Variants in VWDE observed in about 807,000 individuals in gnomAD.
The protein encoded by VWDE is von Willebrand factor D and EGF domains.
A neutral mutation model predicts 178.4 loss-of-function variants in VWDE; 207 were observed. The ratio of observed to expected loss-of-function variants is 1.16; its 90% CI spans 1.04 to 1.30. The LOEUF (loss-of-function observed/expected upper bound fraction) is 1.30. Among genes scored for constraint, VWDE ranks in the 50% most tolerant of loss-of-function variants. The pLI, the probability that VWDE is intolerant of heterozygous loss-of-function variation, is 0.00. For synonymous variants in VWDE, 738 were observed against 651.4 expected, an observed-to-expected ratio of 1.13 and a Z score of -2.02; for missense variants, 2,287 against 1,901.3, an observed-to-expected ratio of 1.20 and a Z score of -3.77.
chr7:12,346,961 T>G (rs1365095531), intron 19 of VWDE, among the ~76,000 whole-genome samples: 1 of 151,890 alleles, frequency 6.6e-6, no homozygotes, highest in Non-Finnish European at 1.5e-5. Flanking sequence ...TGGCAACAAG[T>G]GCAATGAAAG....
At position 12,336,115 on chromosome 7, in the gene VWDE, G is replaced by C. The variant is rs868700106; in HGVS notation, c.4654+26C>G. On this transcript the variant is annotated intron_variant, in intron 27 of 28. Transcript: ENST00000275358. ...AACAGATTCCAATTCAGAACATATA[G>C]TAGGAAAAACATCCTGTGGGCTTAC... 10 of 1,529,378 alleles carry C rather than the reference G, an allele frequency of 6.5e-6. 1 individual carries two copies. In the Middle Eastern group the frequency reaches 1.3e-3, roughly 206 times the overall value. 94.7% of individuals were successfully genotyped at this position (1,529,378 alleles called of 1,614,324 possible). A position where few individuals can be genotyped will look rare whatever the true frequency, so the allele number is the denominator to read the frequency against.
rs1479598286 is a variant in VWDE, at chr7:12,333,581, A to C, written c.4655-13T>G. On this transcript the variant is annotated splice_polypyrimidine_tract_variant and intron_variant, in intron 27 of 28. Coordinates refer to ENST00000275358, the MANE Select transcript of VWDE (RefSeq NM_001135924.3). ...GGGTTGCAAATTGCTGCAATACACA[A>C]ATTTTTACAATGACCATCCTTTGAC... 2 of 1,510,864 alleles carry C rather than the reference A, an allele frequency of 1.3e-6. No individual in the cohort carries two copies. The highest frequency in any genetic ancestry group is 1.8e-6 in the Non-Finnish European group (2 of 1,110,008). 93.6% of individuals were successfully genotyped at this position (1,510,864 alleles called of 1,614,324 possible). A position where few individuals can be genotyped will look rare whatever the true frequency, so the allele number is the denominator to read the frequency against.
chr7:12,350,842 C>T (rs1305082775), intron 19 of VWDE, among the ~76,000 whole-genome samples: 3 of 151,994 alleles, frequency 2.0e-5, no homozygotes, highest in Non-Finnish European at 2.9e-5. Flanking sequence ...AGTGCCGGCA[C>T]ATTATAAGTA....
chr7:12,336,112 A>G (rs1285490998), intron 27 of VWDE, 29 bp downstream of exon 27: 1 of 1,522,396 alleles, frequency 6.6e-7, no homozygotes, highest in Non-Finnish European at 8.9e-7. Flanking sequence ...TTCAGAACAT[A>G]TAGTAGGAAA....
At chr7:12,333,111 A>G (rs185910375) in intron 28 of VWDE, among the ~76,000 whole-genome samples, 1 of 152,306 alleles carries the variant, frequency 6.6e-6, no homozygotes, top group East Asian at 1.9e-4. Flanking sequence ...TCCTATATGA[A>G]GAAATAAGAT....
chr7:12,344,866 A>C (rs1781517452), intron 19 of VWDE, among the ~76,000 whole-genome samples: 1 of 152,186 alleles, frequency 6.6e-6, no homozygotes, highest in African/African-American at 2.4e-5. Flanking sequence ...TCATGCAAAT[A>C]AGCAAATATG....
intron 3 of VWDE, 45 bp downstream of exon 3, chr7:12,389,080 CAG>C (rs751308305): frequency 1.6e-6 from 2 of 1,262,624 alleles, no homozygotes; most frequent in Non-Finnish European, 2.3e-6. Flanking sequence ...GTACGAATGG[CAG>C]AGTTCCATGA....
In VWDE at chr7:12,375,097, T is replaced by C. The variant is rs1266315259; in HGVS notation, c.1155A>G (p.Arg385=). The C allele has an allele frequency of 6.4e-7, 1 of 1,551,162 alleles. No homozygotes were observed. Among genetic ancestry groups the C allele is most frequent in the African/African-American group, 1.4e-5 (1 of 72,994 alleles). The change falls in exon 8 of 29, where the codon CGA becomes CGG. Residue 385 remains arginine (R), a synonymous_variant. Transcript: ENST00000275358. ...VYYTAVTDFS[R]DGDRVSNIVV... is the part of the protein sequence containing the mutation. ...CAATGTTTGAGACTCTATCTCCATC[T>C]CGAGAAAAATCTGTGACAGCAGTGT...
At chr7:12,332,227 G>C (rs181511421) in intron 28 of VWDE, among the ~76,000 whole-genome samples, 72 of 152,212 alleles carry the variant, frequency 4.7e-4, no homozygotes, top group Non-Finnish European at 7.5e-4. Context: ...AATAAAGCCA[G>C]AATGAGATTG....
chr7:12,347,804 C>T (rs1053882329), intron 19 of VWDE, among the ~76,000 whole-genome samples: 3 of 152,006 alleles, frequency 2.0e-5, no homozygotes, highest in Admixed American at 6.6e-5. Flanking sequence ...GGAGGCATCA[C>T]ACTACCTGAC....
chr7:12,330,920 G>T lies in VWDE; in HGVS notation c.*263C>A. On this transcript the variant is annotated 3_prime_UTR_variant, in exon 29 of 29. Transcript: ENST00000275358. ...GAAAATATTCAGTTTATTAAATATT[G>T]TGAATGGGTGGAATATCAGATACAT... The T allele has an allele frequency of 2.7e-6, 1 of 374,284 alleles. No individual in the cohort carries two copies. Among genetic ancestry groups the T allele is most frequent in the Non-Finnish European group, 4.8e-6 (1 of 206,932 alleles). The allele number at this position is 374,284 out of a possible 1,614,324, so 23.2% of individuals were successfully genotyped here.
At position 12,369,631 on chromosome 7, in the gene VWDE, T is replaced by C. The variant is rs1326030908; in HGVS notation, c.2675A>G (p.Asn892Ser). The C allele has an allele frequency of 4.5e-6, 7 of 1,551,552 alleles. No homozygotes were observed. The East Asian group carries it at 7.3e-5, about 16-fold the overall frequency. ...GCACTGCCCATTGCCGCTGCATAAA[T>C]TGGGGCATTTTAATACTGAGAGAAT... ...EDILSVLKCPNLCSGNGQCME... is the reference protein window; with the variant it reads ...EDILSVLKCPSLCSGNGQCME... Residue 892 changes from asparagine (N) to serine (S), a missense_variant, in exon 12 of 29, where the codon AAT becomes AGT. By Grantham distance (46) the Asn-to-Ser change is conservative (BLOSUM62 1). Coordinates refer to ENST00000275358, the MANE Select transcript of VWDE (RefSeq NM_001135924.3).
At position 12,380,549 on chromosome 7, in the gene VWDE, C is replaced by G. The variant is rs759214796; in HGVS notation, c.726G>C (p.Glu242Asp). The change falls in exon 5 of 29, where the codon GAG becomes GAC. Residue 242 changes from glutamate (E) to aspartate (D), a missense_variant. Glu to Asp is a conservative substitution (Grantham distance 45, BLOSUM62 2). Coordinates refer to ENST00000275358, the MANE Select transcript of VWDE (RefSeq NM_001135924.3). ...SQEVKEELTQ[E>D]TTVQAFSLLE... ...AAAGAGAGAATGCCTGAACTGTGGT[C>G]TCTTGTGTCAGCTCCTCTTTGACTT... 6 of 1,552,100 alleles carry G rather than the reference C, an allele frequency of 3.9e-6. No individual in the cohort carries two copies. The highest frequency in any genetic ancestry group is 2.4e-5 in the South Asian group (2 of 84,062).
chr7:12,383,204 T>C (rs1425740860), intron 4 of VWDE, among the ~76,000 whole-genome samples: 1 of 152,092 alleles, frequency 6.6e-6, no homozygotes, highest in Non-Finnish European at 1.5e-5. Context: ...GTTCGCACAC[T>C]TCCCTAAATA....
In VWDE at chr7:12,373,083, A is replaced by G. The variant is rs1338132438; in HGVS notation, c.1481T>C (p.Met494Thr). Residue 494 changes from methionine (M) to threonine (T), a missense_variant, in exon 10 of 29, where the codon ATG becomes ACG. Met to Thr is a moderately conservative substitution (Grantham distance 81, BLOSUM62 -1). Transcript: ENST00000275358. ...QEGGDIVTFD[M>T]CNGQLRESQP... ...TGATTCACGTAGCTGACCATTGCAC[A>G]TATCAAAAGTAACTATATCACCTCC... The G allele has an allele frequency of 1.3e-6, 2 of 1,551,330 alleles. No homozygotes were observed. Among genetic ancestry groups the G allele is most frequent in the Admixed American group, 2.0e-5 (1 of 50,970 alleles).
At chr7:12,380,804 C>A in intron 4 of VWDE, 71 bp from the exon 5 acceptor site, 1 of 1,500,490 alleles carries the variant, frequency 6.7e-7, no homozygotes, top group Non-Finnish European at 9.0e-7. Flanking sequence ...AAAAAGCACT[C>A]AAAGACTATA....
intron 12 of VWDE, among the ~76,000 whole-genome samples, chr7:12,368,394 T>C (rs1206608920): frequency 6.6e-6 from 1 of 152,020 alleles, no homozygotes; most frequent in Non-Finnish European, 1.5e-5. Flanking sequence ...TTTCTGATAG[T>C]ATGACATTTG....
Position 12,351,624 on chromosome 7 carries a change from T to G in VWDE, c.3835A>C (p.Asn1279His), listed in dbSNP as rs1270125101. Residue 1279 changes from asparagine (N) to histidine (H), a missense_variant, in exon 19 of 29, where the codon AAT becomes CAT. Transcript: ENST00000275358. The stretch of plus-strand genomic sequence containing the variant: ...ACATGCCTCTTTCTCCCTTGGGCAT[T>G]TTTATCATCCTCTTCTTTATTTACA... The part of the protein sequence containing the change: ...KSVNKEEDDK[N>H]AQGRKRHVKP... The G allele has an allele frequency of 2.6e-6, 4 of 1,549,278 alleles. No homozygotes were observed. The highest frequency in any genetic ancestry group is 3.5e-6 in the Non-Finnish European group (4 of 1,146,164).
At chr7:12,334,367 A>G (rs1780897384) in intron 27 of VWDE, among the ~76,000 whole-genome samples, 1 of 152,170 alleles carries the variant, frequency 6.6e-6, no homozygotes, top group Admixed American at 6.5e-5. Flanking sequence ...TTATTTTTAT[A>G]GGACAAATAC....
Sources: allele counts gnomAD v4.1 joint callset (sites outside exome capture counted in the v4.1 genomes callset), GRCh38; gene constraint gnomAD v4.1.1; transcripts MANE v1.5; gene names NCBI Gene and HGNC (gene_info 2026-07-23, HGNC 2026-07-21).